The following NOL10 variants were observed in gnomAD, a reference collection of about 807,000 sequenced individuals.
NOL10 encodes H_NH0074G24.1.
In NOL10, 58 loss-of-function variants were observed where a neutral mutation model predicts 103.5. That is an observed-to-expected ratio of 0.56 (90% CI 0.45 to 0.70). The LOEUF (loss-of-function observed/expected upper bound fraction) is 0.70. NOL10 is among the 30% of genes least tolerant of loss of function. The probability of loss-of-function intolerance (pLI) is 0.00; values close to 1 mark genes in which losing one functional copy is unlikely to be tolerated. For synonymous variants in NOL10, 287 were observed against 282.5 expected (o/e 1.02, Z -0.16); for missense variants, 763 against 807.3 (o/e 0.95, Z 0.67).
chr2:10,605,775 G>A (rs1676222900), intron 14 of NOL10, among the ~76,000 whole-genome samples: 1 of 152,168 alleles, frequency 6.6e-6, no homozygotes. Flanking sequence ...AGGCACTGCA[G>A]TAAGAAGGTC....
intron 17 of NOL10, among the ~76,000 whole-genome samples, chr2:10,591,930 G>C (rs1675412067): frequency 6.6e-6 from 1 of 152,162 alleles, no homozygotes; most frequent in African/African-American, 2.4e-5. Context: ...TTGAGCCTGG[G>C]AAGTCAGGGC....
intron 17 of NOL10, among the ~76,000 whole-genome samples, chr2:10,598,190 CTACG>C (rs986251706): frequency 6.6e-6 from 1 of 152,140 alleles, no homozygotes; most frequent in African/African-American, 2.4e-5. Flanking sequence ...CCACAAATCC[CTACG>C]TAAATAATGG....
At chr2:10,594,645 A>G (rs1481400101) in intron 17 of NOL10, among the ~76,000 whole-genome samples, 1 of 152,186 alleles carries the variant, frequency 6.6e-6, no homozygotes, top group East Asian at 1.9e-4. Context: ...CAAAGTACAC[A>G]AAGATTGAAC....
rs1470350435 is a variant in NOL10 at position 10,608,862 on chromosome 2, TCTTCCACAGAAA to T, written c.1027-1563_1027-1552del. On this transcript the variant is annotated intron_variant, in intron 13 of 20. Transcript: ENST00000381685. ...ATGAAAAAAACTCGAGCATATATAGTCTTCCACAGAAACTTCATATTAGTGCAATCTACAATT... is the reference window on the plus strand; with the variant it reads ...ATGAAAAAAACTCGAGCATATATAGTCTTCATATTAGTGCAATCTACAATT... Among the ~76,000 whole-genome samples the T allele has an allele frequency of 7.2e-5, 11 of 152,270 alleles. No homozygotes were observed. In the East Asian group the frequency reaches 7.7e-4, roughly 11 times the overall value.
At chr2:10,687,122 G>A (rs1682270113) in intron 1 of NOL10, among the ~76,000 whole-genome samples, 1 of 152,042 alleles carries the variant, frequency 6.6e-6, no homozygotes, top group South Asian at 2.1e-4. Flanking sequence ...GCACAGATCA[G>A]ACAACAACTG....
At position 10,638,326 on chromosome 2, in the gene NOL10, ACGTG is replaced by A. The variant is rs1292314113; in HGVS notation, c.1026+5990_1026+5993del. Among the ~76,000 whole-genome samples the A allele has an allele frequency of 6.9e-3, 860 of 123,890 alleles. 10 individuals carry two copies. Among genetic ancestry groups the A allele is most frequent in the African/African-American group, 0.033 (790 of 23,622 alleles). 81.3% of individuals were successfully genotyped at this position (123,890 alleles called of 152,430 possible). A position where few individuals can be genotyped will look rare whatever the true frequency, so the allele number is the denominator to read the frequency against. ...ACGTGACGTGACGTGACGTGACGTG[ACGTG>A]ACGTAACGTAACGTAACGTAACGTA... On this transcript the variant is annotated intron_variant, in intron 13 of 20. Coordinates refer to ENST00000381685, the MANE Select transcript of NOL10 (RefSeq NM_024894.4).
chr2:10,589,084 A>G lies in NOL10; in HGVS notation c.1803T>C (p.Phe601=). ...QFYEIKAGEE[F]RSFKDSATKQ... ...TTGTGGCAGAATCTTTGAAGCTTCT[A>G]AATTCTTCTCCTGCTTTGATCTCAT... The change falls in exon 19 of 21, where the codon TTT becomes TTC. Residue 601 remains phenylalanine, a synonymous_variant. Transcript: ENST00000381685. 6.2e-7 allele frequency: 1 copy of G among 1,613,962 alleles called. No homozygotes were observed. The highest frequency in any genetic ancestry group is 1.1e-5 in the South Asian group (1 of 91,076).
chr2:10,661,115 G>A lies in NOL10; in HGVS notation c.677+1844C>T, dbSNP rs537711097. On this transcript the variant is annotated intron_variant, in intron 9 of 20. Coordinates refer to ENST00000381685, the MANE Select transcript of NOL10 (RefSeq NM_024894.4). Reference sequence around the variant, plus strand: ...TTTGTGATGGAGTTTTGCTCTTGTTGCCCAGGTTGGAGTGCAATGGCATGA... The same window carrying A: ...TTTGTGATGGAGTTTTGCTCTTGTTACCCAGGTTGGAGTGCAATGGCATGA... Among the ~76,000 whole-genome samples, 4 of 152,246 alleles carry A rather than the reference G, an allele frequency of 2.6e-5. No homozygotes were observed. In the South Asian group the frequency reaches 8.3e-4, roughly 32 times the overall value.
intron 19 of NOL10, among the ~76,000 whole-genome samples, chr2:10,584,716 A>T (rs913021864): frequency 2.6e-5 from 4 of 152,226 alleles, no homozygotes; most frequent in African/African-American, 9.6e-5. Flanking sequence ...TGTTTAACTT[A>T]GTGATATTTA....
intron 7 of NOL10, 117 bp from the exon 8 acceptor site, chr2:10,667,395 TTC>T (rs1186808636): frequency 9.3e-6 from 7 of 752,618 alleles, no homozygotes; most frequent in Admixed American, 8.6e-5. Context: ...GACACACAGA[TTC>T]TCTCTTACTA....
chr2:10,607,357 C>A, intron 13 of NOL10, 46 bp from the exon 14 acceptor site: 1 of 1,543,804 alleles, frequency 6.5e-7, no homozygotes, highest in Non-Finnish European at 8.7e-7. Flanking sequence ...GTTTACCACG[C>A]CATCCAAGTC....
intron 19 of NOL10, among the ~76,000 whole-genome samples, chr2:10,582,014 T>C (rs12622053): frequency 0.34 from 52,282 of 152,074 alleles, 9,417 homozygotes; most frequent in Non-Finnish European, 0.4. Context: ...CTCTTAAGTG[T>C]TACAATGATA....
intron 3 of NOL10, among the ~76,000 whole-genome samples, chr2:10,680,272 TAAA>T (rs1237415566): frequency 3.0e-5 from 4 of 134,894 alleles, no homozygotes; most frequent in Admixed American, 8.5e-5. Context: ...GTGAGACTCT[TAAA>T]AAAGAAGGAG....
rs974691118 is a variant in NOL10 at position 10,589,075 on chromosome 2, G to T, written c.1812C>A (p.Phe604Leu). The part of the protein sequence containing the change: ...EIKAGEEFRS[F>L]KDSATKQKLM... ...GTTTCTGCTTTGTGGCAGAATCTTT[G>T]AAGCTTCTAAATTCTTCTCCTGCTT... is the stretch of plus-strand genomic sequence containing the variant. The change falls in exon 19 of 21, where the codon TTC becomes TTA. Residue 604 changes from phenylalanine to leucine, a missense_variant. Phe to Leu is a conservative substitution (Grantham distance 22). Transcript: ENST00000381685. 1 of 1,613,866 alleles carries T rather than the reference G, an allele frequency of 6.2e-7. No individual in the cohort carries two copies. The highest frequency in any genetic ancestry group is 8.5e-7 in the Non-Finnish European group (1 of 1,179,896).
Position 10,636,607 on chromosome 2 carries a change from A to G in NOL10, c.1026+7713T>C, listed in dbSNP as rs551651493. Among the ~76,000 whole-genome samples, 112 of 98,842 alleles carry G rather than the reference A, an allele frequency of 1.1e-3. 1 individual carries two copies. In the South Asian group the frequency reaches 0.03, roughly 26 times the overall value. The allele number at this position is 98,842 out of a possible 152,430, so 64.8% of individuals were successfully genotyped here. A position where few individuals can be genotyped will look rare whatever the true frequency, so the allele number is the denominator to read the frequency against. ...CCTGGGAGACAGAGTGCGACCTTCA[A>G]TCAAAGAAAAAAAAAAAAAGTATCT... On this transcript the variant is annotated intron_variant, in intron 13 of 20. Transcript: ENST00000381685.
intron 19 of NOL10, among the ~76,000 whole-genome samples, chr2:10,578,737 C>G (rs1674600603): frequency 6.6e-6 from 1 of 152,146 alleles, no homozygotes; most frequent in Admixed American, 6.5e-5. Context: ...CTGAATTAAG[C>G]CTAATGATAT....
At chr2:10,629,543 C>T (rs1349244020) in intron 13 of NOL10, among the ~76,000 whole-genome samples, 1 of 152,146 alleles carries the variant, frequency 6.6e-6, no homozygotes, top group Admixed American at 6.5e-5. Context: ...TTCTTCTACT[C>T]ATCTGTATTT....
chr2:10,594,469 T>C (rs557111229), intron 17 of NOL10, among the ~76,000 whole-genome samples: 27 of 152,094 alleles, frequency 1.8e-4, no homozygotes, highest in Non-Finnish European at 3.8e-4. Context: ...CAGGCTAGAA[T>C]GGAATGGGGC....
chr2:10,592,919 C>T (rs972358223), intron 17 of NOL10, among the ~76,000 whole-genome samples: 5 of 152,092 alleles, frequency 3.3e-5, no homozygotes, highest in African/African-American at 1.2e-4. Flanking sequence ...TCTATAGGAG[C>T]TTACAAGTGT....
Sources: allele counts gnomAD v4.1 joint callset (sites outside exome capture counted in the v4.1 genomes callset), GRCh38; gene constraint gnomAD v4.1.1; transcripts MANE v1.5; gene names NCBI Gene and HGNC (gene_info 2026-07-23, HGNC 2026-07-21).